Variants in PCDH11X observed in about 807,000 individuals in gnomAD.
PCDH11X encodes the protein protocadherin 11 X-linked.
Under a neutral mutation model 53.3 loss-of-function variants are expected in PCDH11X, and 18 were observed. That is an observed-to-expected ratio of 0.34 (90% CI 0.23 to 0.50). The LOEUF is 0.50. Among genes scored for constraint, PCDH11X ranks in the 20% least tolerant of loss-of-function variants. The pLI is 0.98. For synonymous variants in PCDH11X, 279 were observed against 393.3 expected (o/e 0.71, Z 3.44); for missense variants, 570 against 1,032.4 (o/e 0.55, Z 6.14).
chrX:92,163,777 C>T (rs2476051), intron 6 of PCDH11X, among the ~76,000 whole-genome samples: 3 of 110,964 alleles, frequency 2.7e-5, no homozygotes, highest in Non-Finnish European at 5.7e-5. Flanking sequence ...GTAGGAGTTC[C>T]GGAGCAAAGG....
rs755408847 is a variant in PCDH11X, at chrX:91,890,856, C to A, written c.3033+11583C>A. 2.9e-3 allele frequency among the ~76,000 whole-genome samples: 324 copies of A among 110,780 alleles called. 2 individuals carry two copies. The highest frequency in any genetic ancestry group is 4.6e-3 in the Non-Finnish European group (243 of 52,889). On this transcript the variant is annotated intron_variant, in intron 6 of 10. Coordinates refer to ENST00000682573, the MANE Select transcript of PCDH11X (RefSeq NM_032968.5). ...CATAATTGTATACATGCATACATGC[C>A]TACCTATGTATATATAAACAAACAT...
At chrX:92,300,105 T>G (rs2068690107) in intron 8 of PCDH11X, among the ~76,000 whole-genome samples, 1 of 107,646 alleles carries the variant, frequency 9.3e-6, no homozygotes, top group Non-Finnish European at 1.9e-5. Flanking sequence ...TTCATGTAAT[T>G]ATATGGCTTT....
intron 1 of PCDH11X, among the ~76,000 whole-genome samples, chrX:91,808,297 C>G (rs1489856021): frequency 9.3e-6 from 1 of 107,478 alleles, no homozygotes; most frequent in Non-Finnish European, 1.9e-5. Context: ...GAGTTCGAGA[C>G]CAGCCTGGCC....
chrX:91,873,990 C>T (rs761250087), intron 5 of PCDH11X, among the ~76,000 whole-genome samples: 1 of 111,056 alleles, frequency 9.0e-6, no homozygotes, highest in South Asian at 3.8e-4. Flanking sequence ...CCTTTTATCA[C>T]ATTAGTAAAA....
chrX:92,328,605 A>C (rs1451451256), intron 8 of PCDH11X, among the ~76,000 whole-genome samples: 29 of 110,770 alleles, frequency 2.6e-4, no homozygotes, highest in Non-Finnish European at 1.9e-5. Flanking sequence ...ATTTGGATTA[A>C]GAGATGATAT....
chrX:92,050,501 G>A (rs1369704259), intron 6 of PCDH11X, among the ~76,000 whole-genome samples: 4 of 107,438 alleles, frequency 3.7e-5, no homozygotes, highest in Non-Finnish European at 5.8e-5. Context: ...TCTGGAGCTA[G>A]ACCGTCTGGG....
At chrX:92,206,200 A>T (rs2066473208) in intron 7 of PCDH11X, among the ~76,000 whole-genome samples, 1 of 111,796 alleles carries the variant, frequency 8.9e-6, no homozygotes, top group Admixed American at 9.5e-5. Context: ...GTATGTACGG[A>T]TAAGGACTTT....
At chrX:92,073,360 A>T (rs2063730233) in intron 6 of PCDH11X, among the ~76,000 whole-genome samples, 2 of 112,508 alleles carry the variant, frequency 1.8e-5, no homozygotes. Context: ...CTATTCCATC[A>T]TCTTGCTCTG....
chrX:91,962,723 C>G (rs1276126272), intron 6 of PCDH11X, among the ~76,000 whole-genome samples: 2 of 110,860 alleles, frequency 1.8e-5, no homozygotes, highest in Non-Finnish European at 3.8e-5. Flanking sequence ...CATGAGAACT[C>G]CATCCCTGCA....
chrX:91,878,600 G>A lies in PCDH11X; in HGVS notation c.2360G>A (p.Arg787His), dbSNP rs769708151. 8 of 1,209,254 alleles carry A rather than the reference G, an allele frequency of 6.6e-6. No homozygotes were observed. The highest frequency in any genetic ancestry group is 1.8e-5 in the South Asian group (1 of 56,736). ...TNATLINELV[R>H]KSTEAPVTPN... is the part of the protein sequence containing the mutation. ...GCTACACTGATTAATGAACTGGTGC[G>A]CAAAAGCACTGAAGCACCAGTGACC... is the stretch of plus-strand genomic sequence containing the variant. Residue 787 changes from arginine to histidine, a missense_variant, in exon 6 of 11, where the codon CGC (arginine) becomes CAC (histidine). By Grantham distance (29) the Arg-to-His change is conservative. This residue lies in a region of PCDH11X where 226 missense variants were observed against 457.5 expected (regional missense o/e 0.49). Coordinates refer to ENST00000682573, the MANE Select transcript of PCDH11X (RefSeq NM_032968.5).
chrX:92,322,065 T>G (rs1420148677), intron 8 of PCDH11X, among the ~76,000 whole-genome samples: 5 of 109,732 alleles, frequency 4.6e-5, no homozygotes, highest in Non-Finnish European at 9.5e-5. Context: ...CTGTCTAACT[T>G]TCTGCTGATA....
intron 7 of PCDH11X, among the ~76,000 whole-genome samples, chrX:92,240,259 G>A (rs1177867670): frequency 1.8e-5 from 2 of 111,510 alleles, no homozygotes; most frequent in Non-Finnish European, 3.8e-5. Flanking sequence ...TACAGTCTGG[G>A]AACAATTCTC....
intron 9 of PCDH11X, among the ~76,000 whole-genome samples, chrX:92,432,932 A>G (rs1384255817): frequency 9.0e-6 from 1 of 110,809 alleles, no homozygotes; most frequent in African/African-American, 3.3e-5. Context: ...ATCATCTTCA[A>G]TACAATTTTG....
At chrX:92,331,315 CTT>C (rs2148504621) in intron 8 of PCDH11X, among the ~76,000 whole-genome samples, 1 of 93,297 alleles carries the variant, frequency 1.1e-5, no homozygotes, top group African/African-American at 4.0e-5. Context: ...TCTTCTTCTT[CTT>C]CCTCTTCTTC....
At chrX:92,300,541 G>A (rs2068700333) in intron 8 of PCDH11X, among the ~76,000 whole-genome samples, 1 of 111,072 alleles carries the variant, frequency 9.0e-6, no homozygotes, top group Non-Finnish European at 1.9e-5. Flanking sequence ...GCAATGACAC[G>A]ATCTCGGCTC....
At chrX:92,166,077 A>T (rs1355631563) in intron 6 of PCDH11X, among the ~76,000 whole-genome samples, 1 of 111,116 alleles carries the variant, frequency 9.0e-6, no homozygotes. Context: ...AATAGTATAC[A>T]TATAGTGAAA....
intron 6 of PCDH11X, among the ~76,000 whole-genome samples, chrX:91,964,083 T>A (rs1480042609): frequency 2.8e-5 from 3 of 107,598 alleles, no homozygotes; most frequent in Non-Finnish European, 5.7e-5. Context: ...TCAAAATTAA[T>A]AAATTTAGGG....
Position 92,578,111 on chromosome X carries a change from A to T in PCDH11X, c.3368-40153A>T, listed in dbSNP as rs1386711256. Among the ~76,000 whole-genome samples the T allele has an allele frequency of 2.2e-5, 2 of 92,381 alleles. 1 individual carries two copies. Among genetic ancestry groups the T allele is most frequent in the Admixed American group, 2.3e-4 (2 of 8,837 alleles). The allele number at this position is 92,381 out of a possible 115,157, so 80.2% of individuals were successfully genotyped here. A position where few individuals can be genotyped will look rare whatever the true frequency, so the allele number is the denominator to read the frequency against. On this transcript the variant is annotated intron_variant, in intron 10 of 10. Coordinates refer to ENST00000682573, the MANE Select transcript of PCDH11X (RefSeq NM_032968.5). The stretch of plus-strand genomic sequence containing the variant: ...TGTTAATATTCTGTCTCAAAGATTG[A>T]TCTAATATTGTCAGTGGGGTGTTAA...
chrX:92,025,210 T>C (rs1473802546), intron 6 of PCDH11X, among the ~76,000 whole-genome samples: 3 of 108,416 alleles, frequency 2.8e-5, no homozygotes, highest in Non-Finnish European at 5.7e-5. Flanking sequence ...TGGGAGAAAA[T>C]TTCTGCAATC....
Sources: gnomAD v4.1 joint callset for allele counts (sites outside exome capture counted in the v4.1 genomes callset) on GRCh38, gnomAD v4.1.1 for gene constraint, gnomAD v4.1.1 regional missense constraint, MANE v1.5 for transcripts, NCBI Gene and HGNC (gene_info 2026-07-23, HGNC 2026-07-21) for gene names.